Variants in DIAPH3 observed in about 807,000 individuals in gnomAD.
The protein encoded by DIAPH3 is diaphanous related formin 3, also known as protein diaphanous homolog 3.
A neutral mutation model predicts 144.3 loss-of-function variants in DIAPH3; 117 were observed. That is an observed-to-expected ratio of 0.81 (90% CI 0.70 to 0.95). DIAPH3 has a LOEUF of 0.95. Ranked by LOEUF, DIAPH3 falls within the 40% of genes least tolerant of loss-of-function variation. The probability of loss-of-function intolerance (pLI) is 0.00; values close to 1 mark genes in which losing one functional copy is unlikely to be tolerated. For missense variants in DIAPH3, 1,421 were observed against 1,412.7 expected (o/e 1.01, Z -0.09); for synonymous variants, 519 against 488.9 (o/e 1.06, Z -0.81).
At chr13:59,750,860 T>C (rs1238462879) in intron 27 of DIAPH3, among the ~76,000 whole-genome samples, 1 of 152,228 alleles carries the variant, frequency 6.6e-6, no homozygotes, top group Non-Finnish European at 1.5e-5. Flanking sequence ...TGGTGTCAAA[T>C]TAATCTCCAT....
chr13:59,932,832 C>A (rs1394992933), intron 17 of DIAPH3, among the ~76,000 whole-genome samples: 1 of 152,112 alleles, frequency 6.6e-6, no homozygotes, highest in Non-Finnish European at 1.5e-5. Context: ...GAGAAAACAA[C>A]AGAAATTTTA....
Position 60,013,297 on chromosome 13 carries a change from C to T in DIAPH3, c.771+2616G>A, listed in dbSNP as rs2053406118. 7.2e-6 allele frequency: 6 copies of T among 835,342 alleles called. No individual in the cohort carries two copies. In the African/African-American group the frequency reaches 7.4e-5, roughly 10 times the overall value. 51.7% of individuals were successfully genotyped at this position (835,342 alleles called of 1,614,324 possible). On this transcript the variant is annotated intron_variant, in intron 7 of 27. Transcript: ENST00000400324. Reference sequence around the variant, plus strand: ...TGTTTTAGGTAGAGGAAAGTTAATGCTCTAAATCCTCGTGTAGGACGCCCA... The same window carrying T: ...TGTTTTAGGTAGAGGAAAGTTAATGTTCTAAATCCTCGTGTAGGACGCCCA...
chr13:59,819,511 C>G (rs1040954678), intron 24 of DIAPH3, among the ~76,000 whole-genome samples: 6 of 151,730 alleles, frequency 4.0e-5, no homozygotes, highest in African/African-American at 1.2e-4. Flanking sequence ...TAGGGTTGAA[C>G]AACACAGATA....
intron 25 of DIAPH3, among the ~76,000 whole-genome samples, chr13:59,781,143 A>G (rs1168610979): frequency 6.6e-6 from 1 of 152,230 alleles, no homozygotes; most frequent in Non-Finnish European, 1.5e-5. Context: ...AGAAGATCCT[A>G]AAAGGTTCTA....
intron 4 of DIAPH3, among the ~76,000 whole-genome samples, chr13:60,083,907 AGATGGATGGATG>A (rs61418371): frequency 0.24 from 35,538 of 145,470 alleles, 4,519 homozygotes; most frequent in African/African-American, 0.29. Flanking sequence ...ATGGATGGAC[AGATGGATGGATG>A]GATGGATGGA....
At chr13:59,861,082 C>T (rs2043551315) in intron 22 of DIAPH3, among the ~76,000 whole-genome samples, 1 of 152,164 alleles carries the variant, frequency 6.6e-6, no homozygotes, top group African/African-American at 2.4e-5. Context: ...CTATGAATGA[C>T]ATTGAATCAA....
chr13:59,762,052 C>CTTTTTT lies in DIAPH3; in HGVS notation c.3319+12131_3319+12136dup, dbSNP rs35387511. 2.8e-3 allele frequency among the ~76,000 whole-genome samples: 169 copies of CTTTTTT among 59,524 alleles called. 7 individuals are homozygous for CTTTTTT. The highest frequency in any genetic ancestry group is 0.027 in the East Asian group (52 of 1,946). The allele number at this position is 59,524 out of a possible 152,430, so 39.1% of individuals were successfully genotyped here. On this transcript the variant is annotated intron_variant, in intron 27 of 27. Coordinates refer to ENST00000400324, the MANE Select transcript of DIAPH3 (RefSeq NM_001042517.2). ...GCACCCAAGATGAAAGCGTCAGCAT[C>CTTTTTT]TTTTTTTTTTTTTTTTTTTTTTTTT...
chr13:59,753,974 G>T (rs2037139739), intron 27 of DIAPH3, among the ~76,000 whole-genome samples: 1 of 151,930 alleles, frequency 6.6e-6, no homozygotes, highest in African/African-American at 2.4e-5. Flanking sequence ...CCCTCATCTA[G>T]GCCATCTCCA....
chr13:59,977,883 T>C (rs576247092), intron 14 of DIAPH3, among the ~76,000 whole-genome samples: 147 of 151,888 alleles, frequency 9.7e-4, no homozygotes, highest in African/African-American at 3.3e-3. Context: ...GGTTTGGATA[T>C]GCTCAGCTTG....
chr13:60,107,413 A>T (rs1250857911), intron 3 of DIAPH3, among the ~76,000 whole-genome samples: 1 of 152,144 alleles, frequency 6.6e-6, no homozygotes, highest in African/African-American at 2.4e-5. Context: ...TATTTTTTAT[A>T]TTATGTTCTA....
rs57544810 is a variant in DIAPH3, at chr13:59,689,790, A to AGTGTGTGT, written c.3320-22952_3320-22945dup. Reference sequence around the variant, plus strand: ...ATTAAGAAAAAAAACTGTATTAAGCAGTGTGTGTGTGTGTGTGTGTATGTA... The same window carrying AGTGTGTGT: ...ATTAAGAAAAAAAACTGTATTAAGCAGTGTGTGTGTGTGTGTGTGTGTGTGTGTATGTA... On this transcript the variant is annotated intron_variant, in intron 27 of 27. Coordinates refer to ENST00000400324, the MANE Select transcript of DIAPH3 (RefSeq NM_001042517.2). Among the ~76,000 whole-genome samples the AGTGTGTGT allele has an allele frequency of 4.7e-3, 708 of 149,976 alleles. 3 individuals carry two copies. Among genetic ancestry groups the AGTGTGTGT allele is most frequent in the Non-Finnish European group, 7.8e-3 (523 of 67,398 alleles).
At chr13:60,090,104 A>T (rs920014593) in intron 4 of DIAPH3, among the ~76,000 whole-genome samples, 1 of 152,154 alleles carries the variant, frequency 6.6e-6, no homozygotes, top group African/African-American at 2.4e-5. Context: ...TGGCTCTCCA[A>T]CTCTGGATCC....
At chr13:59,755,076 T>G (rs929240211) in intron 27 of DIAPH3, among the ~76,000 whole-genome samples, 4 of 152,222 alleles carry the variant, frequency 2.6e-5, no homozygotes. Context: ...TCTGTTTAAA[T>G]GCTTATATGT....
chr13:59,834,760 A>C (rs1020012580), intron 23 of DIAPH3, among the ~76,000 whole-genome samples: 5 of 151,782 alleles, frequency 3.3e-5, no homozygotes, highest in African/African-American at 1.2e-4. Context: ...TGAGATACTC[A>C]ACAAAATAAA....
Position 59,861,544 on chromosome 13 carries a change from G to GCTA in DIAPH3, c.2608-9_2608-8insTAG. Reference sequence around the variant, plus strand: ...TGATTTTGTGTCCTTTAGCTAAATAGAACAGGAGGGAGAAAAAACACAGAG... The same window carrying GCTA: ...TGATTTTGTGTCCTTTAGCTAAATAGCTAAACAGGAGGGAGAAAAAACACAGAG... On this transcript the variant is annotated splice_polypyrimidine_tract_variant and intron_variant, in intron 21 of 27. Coordinates refer to ENST00000400324, the MANE Select transcript of DIAPH3 (RefSeq NM_001042517.2). 6.2e-7 allele frequency: 1 copy of GCTA among 1,613,192 alleles called. No homozygotes were observed. Among genetic ancestry groups the GCTA allele is most frequent in the Non-Finnish European group, 8.5e-7 (1 of 1,179,490 alleles).
chr13:59,667,843 A>G (rs994996452), intron 27 of DIAPH3, among the ~76,000 whole-genome samples: 3 of 152,186 alleles, frequency 2.0e-5, no homozygotes, highest in Non-Finnish European at 2.9e-5. Context: ...TCCCAATAGT[A>G]ATGACTTTGG....
intron 17 of DIAPH3, among the ~76,000 whole-genome samples, chr13:59,929,049 G>A (rs2140321247): frequency 6.6e-6 from 1 of 152,242 alleles, no homozygotes; most frequent in South Asian, 2.1e-4. Flanking sequence ...AATCTGAAAT[G>A]CTCCAAAATC....
intron 17 of DIAPH3, among the ~76,000 whole-genome samples, chr13:59,931,463 G>T (rs774143373): frequency 7.2e-5 from 11 of 152,082 alleles, no homozygotes; most frequent in Non-Finnish European, 1.2e-4. Flanking sequence ...TATCACCATT[G>T]TTCTGACTTT....
rs1361699065 is a variant in DIAPH3 at position 59,970,794 on chromosome 13, A to C, written c.1959+58T>G. The C allele has an allele frequency of 5.4e-6, 8 of 1,473,208 alleles. No individual in the cohort carries two copies. In the African/African-American group the frequency reaches 9.9e-5, roughly 18 times the overall value. The allele number at this position is 1,473,208 out of a possible 1,614,324, so 91.3% of individuals were successfully genotyped here. A position where few individuals can be genotyped will look rare whatever the true frequency, so the allele number is the denominator to read the frequency against. On this transcript the variant is annotated intron_variant, in intron 16 of 27. Transcript: ENST00000400324. Reference sequence around the variant, plus strand: ...TCTCATTAGAAATTATGTATATATAAATCCAAAATTAGATTTAGATCTAAG... The same window carrying C: ...TCTCATTAGAAATTATGTATATATACATCCAAAATTAGATTTAGATCTAAG...
Sources: gnomAD v4.1 joint callset for allele counts (sites outside exome capture counted in the v4.1 genomes callset) on GRCh38, gnomAD v4.1.1 for gene constraint, MANE v1.5 for transcripts, NCBI Gene and HGNC (gene_info 2026-07-23, HGNC 2026-07-21) for gene names.